PCDH15: variants seen among roughly 807,000 people sequenced by gnomAD.
The protein encoded by PCDH15 is protocadherin related 15, also known as protocadherin-15.
Under a neutral mutation model 178.5 loss-of-function variants are expected in PCDH15, and 129 were observed. The observed-to-expected ratio is 0.72, with a 90% CI of 0.63 to 0.84. The LOEUF (loss-of-function observed/expected upper bound fraction) is 0.84, where lower values mean the gene tolerates loss of function less well. Ranked by LOEUF, PCDH15 falls within the 40% of genes least tolerant of loss-of-function variation. The pLI is 0.00. For missense variants in PCDH15, 2,230 were observed against 2,099.9 expected, an observed-to-expected ratio of 1.06 and a Z score of -1.21; for synonymous variants, 800 against 732.0, an observed-to-expected ratio of 1.09 and a Z score of -1.50.
chr10:54,936,206 T>C (rs951163228), intron 2 of PCDH15, among the ~76,000 whole-genome samples: 5 of 152,074 alleles, frequency 3.3e-5, no homozygotes, highest in African/African-American at 1.2e-4. Flanking sequence ...ATCCATGTTG[T>C]TGCAAGCATA....
At position 54,207,180 on chromosome 10, in the gene PCDH15, A is replaced by G. The variant is rs899905782; in HGVS notation, c.1098+6756T>C. 2.6e-5 allele frequency among the ~76,000 whole-genome samples: 4 copies of G among 152,188 alleles called. No individual in the cohort carries two copies. The South Asian group carries it at 8.3e-4, about 32-fold the overall frequency. On this transcript the variant is annotated intron_variant, in intron 10 of 37. Coordinates refer to ENST00000644397, the MANE Select transcript of PCDH15 (RefSeq NM_001384140.1). Reference sequence around the variant, plus strand: ...AACTGCTACATTCTATTTCTGTTCTAACACTGCTGCATGAATAACGATATG... The same window carrying G: ...AACTGCTACATTCTATTTCTGTTCTGACACTGCTGCATGAATAACGATATG...
chr10:53,935,348 T>A (rs1264461562), intron 25 of PCDH15, among the ~76,000 whole-genome samples: 1 of 152,138 alleles, frequency 6.6e-6, no homozygotes, highest in African/African-American at 2.4e-5. Context: ...ATTGTGTTAT[T>A]AAGAGGGATA....
chr10:54,476,099 C>T (rs75201554), intron 3 of PCDH15, among the ~76,000 whole-genome samples: 13,480 of 150,946 alleles, frequency 0.089, 770 homozygotes, highest in East Asian at 0.27. Flanking sequence ...AGCTTTAACA[C>T]TTTCATTCAT....
At chr10:55,028,657 C>T (rs961079665) in intron 2 of PCDH15, among the ~76,000 whole-genome samples, 51 of 151,876 alleles carry the variant, frequency 3.4e-4, no homozygotes, top group Admixed American at 3.3e-3. Context: ...TGATGCTCAT[C>T]TGAGCATAAA....
intron 6 of PCDH15, among the ~76,000 whole-genome samples, chr10:54,330,531 CGT>C (rs199823747): frequency 6.6e-6 from 1 of 151,610 alleles, no homozygotes; most frequent in Non-Finnish European, 1.5e-5. Flanking sequence ...AGCATGACTG[CGT>C]GAACTTGAAT....
At chr10:55,313,744 G>A (rs1420092486) in intron 1 of PCDH15, among the ~76,000 whole-genome samples, 1 of 152,182 alleles carries the variant, frequency 6.6e-6, no homozygotes, top group Non-Finnish European at 1.5e-5. Flanking sequence ...ACCTGGGAAA[G>A]TGGAATAGAA....
At chr10:54,283,940 T>C (rs143837572) in intron 8 of PCDH15, among the ~76,000 whole-genome samples, 53 of 152,280 alleles carry the variant, frequency 3.5e-4, no homozygotes, top group Non-Finnish European at 7.4e-4. Context: ...CCTCAAGTTC[T>C]TGGGCTCAAG....
At chr10:53,912,323 C>A (rs2083164991) in intron 25 of PCDH15, among the ~76,000 whole-genome samples, 1 of 152,150 alleles carries the variant, frequency 6.6e-6, no homozygotes. Flanking sequence ...TCTGACAAAT[C>A]CACAGCCAGT....
intron 15 of PCDH15, among the ~76,000 whole-genome samples, chr10:54,125,769 A>G (rs2041936807): frequency 6.6e-6 from 1 of 152,112 alleles, no homozygotes; most frequent in South Asian, 2.1e-4. Context: ...GATAGCATCA[A>G]TTAAAATTAG....
chr10:54,316,369 G>A (rs2061267799), intron 8 of PCDH15, among the ~76,000 whole-genome samples: 2 of 152,010 alleles, frequency 1.3e-5, no homozygotes, highest in South Asian at 4.1e-4. Context: ...CAGTTCTCAT[G>A]TATTTTGAGG....
intron 13 of PCDH15, among the ~76,000 whole-genome samples, chr10:54,163,155 G>T (rs1052610649): frequency 7.2e-5 from 11 of 152,072 alleles, no homozygotes; most frequent in African/African-American, 2.7e-4. Flanking sequence ...GCTTCTGGGA[G>T]AAACAATACT....
chr10:55,612,705 G>A (rs909235699), intron 2 of PCDH15, among the ~76,000 whole-genome samples: 1 of 152,158 alleles, frequency 6.6e-6, no homozygotes, highest in African/African-American at 2.4e-5. Context: ...GTACTGTGCA[G>A]AATAGCAGAA....
At chr10:53,908,379 T>G (rs1426461721) in intron 25 of PCDH15, among the ~76,000 whole-genome samples, 1 of 152,220 alleles carries the variant, frequency 6.6e-6, no homozygotes, top group Non-Finnish European at 1.5e-5. Context: ...CCAAATGCTA[T>G]AGTAATACCC....
chr10:53,868,218 C>T (rs965569351), intron 26 of PCDH15, among the ~76,000 whole-genome samples: 2 of 151,632 alleles, frequency 1.3e-5, no homozygotes, highest in African/African-American at 4.8e-5. Flanking sequence ...TTTGTTATAA[C>T]AATGATTATT....
At chr10:54,313,187 C>T (rs1408345569) in intron 8 of PCDH15, among the ~76,000 whole-genome samples, 1 of 152,032 alleles carries the variant, frequency 6.6e-6, no homozygotes, top group Non-Finnish European at 1.5e-5. Context: ...ATCCACTATC[C>T]TTAGGATCTT....
chr10:54,442,983 G>T lies in PCDH15; in HGVS notation c.158-64041C>A, dbSNP rs114845429. ...GAAACCCAGACACTACATTTTCTAGGATCTCAGCACAACAGAGCTCCAGGT... is the reference window on the plus strand; with the variant it reads ...GAAACCCAGACACTACATTTTCTAGTATCTCAGCACAACAGAGCTCCAGGT... On this transcript the variant is annotated intron_variant, in intron 3 of 37. Transcript: ENST00000644397. Among the ~76,000 whole-genome samples the T allele has an allele frequency of 4.3e-3, 659 of 151,722 alleles. 8 individuals are homozygous for T. Among genetic ancestry groups the T allele is most frequent in the African/African-American group, 0.015 (610 of 41,462 alleles).
intron 3 of PCDH15, among the ~76,000 whole-genome samples, chr10:54,838,792 G>C (rs1487573782): frequency 6.6e-6 from 1 of 152,172 alleles, no homozygotes; most frequent in Admixed American, 6.5e-5. Context: ...AAGCAGCCCT[G>C]TAACTTGGCG....
chr10:55,038,343 C>T (rs558745682), intron 2 of PCDH15, among the ~76,000 whole-genome samples: 3 of 152,188 alleles, frequency 2.0e-5, no homozygotes, highest in Admixed American at 1.3e-4. Flanking sequence ...ATTTAAAGTA[C>T]ACAATCTTGC....
intron 2 of PCDH15, among the ~76,000 whole-genome samples, chr10:55,526,504 T>C (rs1197958626): frequency 6.6e-6 from 1 of 152,046 alleles, no homozygotes; most frequent in Admixed American, 6.6e-5. Context: ...CAAGGCTTCC[T>C]TTTAATACTT....
Sources: gnomAD v4.1 joint callset for allele counts (sites outside exome capture counted in the v4.1 genomes callset) on GRCh38, gnomAD v4.1.1 for gene constraint, MANE v1.5 for transcripts, NCBI Gene and HGNC (gene_info 2026-07-23, HGNC 2026-07-21) for gene names.